Variants in ST3GAL4 observed in about 807,000 individuals in gnomAD.
The protein encoded by ST3GAL4 is CMP-N-acetylneuraminate-beta-galactosamide-alpha-2,3-sialyltransferase 4.
In ST3GAL4, 24 loss-of-function variants were observed where a neutral mutation model predicts 42.6. The ratio of observed to expected loss-of-function variants is 0.56; its 90% CI spans 0.41 to 0.79. The LOEUF is 0.79. Ranked by LOEUF, ST3GAL4 falls within the 30% of genes least tolerant of loss-of-function variation. ST3GAL4 has a pLI of 0.00. For missense variants in ST3GAL4, 311 were observed against 430.8 expected, an observed-to-expected ratio of 0.72 and a Z score of 2.46; for synonymous variants, 135 against 163.2, an observed-to-expected ratio of 0.83 and a Z score of 1.32.
intron 1 of ST3GAL4, chr11:126,356,383 C>T: frequency 6.6e-6 from 1 of 152,600 alleles, no homozygotes; most frequent in Non-Finnish European, 1.5e-5. Context: ...GGCCACTGTG[C>T]CTCAGGGCTG....
At chr11:126,371,090 TTA>T (rs1952622157) in intron 1 of ST3GAL4, among the ~76,000 whole-genome samples, 2 of 151,586 alleles carry the variant, frequency 1.3e-5, no homozygotes, top group Admixed American at 1.3e-4. Flanking sequence ...ATTTTTTCCT[TTA>T]AGAAATAAAA....
At chr11:126,387,543 G>A (rs1345884002) in intron 1 of ST3GAL4, among the ~76,000 whole-genome samples, 1 of 152,168 alleles carries the variant, frequency 6.6e-6, no homozygotes, top group East Asian at 1.9e-4. Context: ...TGGTCATGGT[G>A]GTATGTGCGT....
At chr11:126,380,902 T>C (rs1364129526) in intron 1 of ST3GAL4, among the ~76,000 whole-genome samples, 1 of 152,222 alleles carries the variant, frequency 6.6e-6, no homozygotes, top group East Asian at 1.9e-4. Context: ...ACTCAGACCA[T>C]ATCCAGGTGA....
chr11:126,407,422 C>T (rs1417773522), intron 5 of ST3GAL4, 73 bp downstream of exon 5: 15 of 1,571,144 alleles, frequency 9.5e-6, no homozygotes, highest in Middle Eastern at 1.7e-4. Context: ...CTGCCGTCCA[C>T]GGCCCCAGTG....
Position 126,406,350 on chromosome 11 carries a change from G to A in ST3GAL4, c.17-123G>A, listed in dbSNP as rs1954229382. The A allele has an allele frequency of 2.6e-6, 4 of 1,557,544 alleles. No homozygotes were observed. The South Asian group carries it at 3.6e-5, about 14-fold the overall frequency. The stretch of plus-strand genomic sequence containing the variant: ...AAGCCCTCAGCCAGGGCCAGGAGAG[G>A]GCCAGAGACTGCTTCTGTTGAGTTA... On this transcript the variant is annotated intron_variant, in intron 2 of 10. Coordinates refer to ENST00000444328, the MANE Select transcript of ST3GAL4 (RefSeq NM_001254757.2). This position sits in a 1 kb window ranked among gnomAD's most constrained non-coding sequence, Gnocchi z 5.4.
In ST3GAL4 at chr11:126,398,446, C is replaced by G. The variant is rs1953870278; in HGVS notation, c.-60-7650C>G. Among the ~76,000 whole-genome samples, 1 of 152,236 alleles carries G rather than the reference C, an allele frequency of 6.6e-6. No homozygotes were observed. The highest frequency in any genetic ancestry group is 2.1e-4 in the South Asian group (1 of 4,832). ...CGGCAGCCCTGCTTCCCTGGCCTTG[C>G]TGGGCTCATTCCATGCAGCAGCTCT... On this transcript the variant is annotated intron_variant, in intron 1 of 10. Coordinates refer to ENST00000444328, the MANE Select transcript of ST3GAL4 (RefSeq NM_001254757.2). This position sits in a 1 kb window ranked among gnomAD's most constrained non-coding sequence, Gnocchi z 4.7.
Position 126,391,938 on chromosome 11 carries a change from TG to T in ST3GAL4, c.-60-14157del, listed in dbSNP as rs1953531332. On this transcript the variant is annotated intron_variant, in intron 1 of 10. Transcript: ENST00000444328. The surrounding 1 kb of genome is among the most constrained non-coding windows in gnomAD (Gnocchi z 5.5). The stretch of plus-strand genomic sequence containing the variant: ...CAGAACACCTGTGATAACTTGGTCG[TG>T]TGTGTGTGTGTGTGTGTGTGTGTGT... Among the ~76,000 whole-genome samples the T allele has an allele frequency of 1.0e-5, 1 of 98,716 alleles. No homozygotes were observed. The highest frequency in any genetic ancestry group is 2.2e-5 in the Non-Finnish European group (1 of 46,388). The allele number at this position is 98,716 out of a possible 152,430, so 64.8% of individuals were successfully genotyped here.
chr11:126,359,110 GA>G lies in ST3GAL4; in HGVS notation c.-61+3269del, dbSNP rs1407509958. Among the ~76,000 whole-genome samples, 3 of 152,120 alleles carry G rather than the reference GA, an allele frequency of 2.0e-5. No homozygotes were observed. Among genetic ancestry groups the G allele is most frequent in the Non-Finnish European group, 4.4e-5 (3 of 68,018 alleles). ...GGGAGGCAGCCCCAAAGAGTGCTGG[GA>G]CCAGTTTGGAGAGTGCTAAGGAATG... On this transcript the variant is annotated intron_variant, in intron 1 of 10. Coordinates refer to ENST00000444328, the MANE Select transcript of ST3GAL4 (RefSeq NM_001254757.2). This position sits in a 1 kb window ranked among gnomAD's most constrained non-coding sequence, Gnocchi z 4.8.
chr11:126,384,742 G>A lies in ST3GAL4; in HGVS notation c.-60-21354G>A. On this transcript the variant is annotated intron_variant, in intron 1 of 10. Transcript: ENST00000444328. The surrounding 1 kb of genome is among the most constrained non-coding windows in gnomAD (Gnocchi z 5.5). Reference sequence around the variant, plus strand: ...ACCCCAGCAGCATCTCCTGAGGCTGGGCCATGGGTGAATCTGAGTCGAGGG... The same window carrying A: ...ACCCCAGCAGCATCTCCTGAGGCTGAGCCATGGGTGAATCTGAGTCGAGGG... 1.0e-6 allele frequency: 1 copy of A among 985,364 alleles called. No homozygotes were observed. Among genetic ancestry groups the A allele is most frequent in the Non-Finnish European group, 1.2e-6 (1 of 829,916 alleles). 61.0% of individuals were successfully genotyped at this position (985,364 alleles called of 1,614,324 possible). A position where few individuals can be genotyped will look rare whatever the true frequency, so the allele number is the denominator to read the frequency against.
At chr11:126,394,557 T>G in intron 1 of ST3GAL4, among the ~76,000 whole-genome samples, 1 of 152,058 alleles carries the variant, frequency 6.6e-6, no homozygotes, top group African/African-American at 2.4e-5. Context: ...CTGAAGTAAT[T>G]GGGATTACAA....
At chr11:126,358,593 C>CA in intron 1 of ST3GAL4, 1 of 343,110 alleles carries the variant, frequency 2.9e-6, no homozygotes, top group East Asian at 1.1e-4. Context: ...GTGCGATGCC[C>CA]AGGCCCTAGC....
At position 126,376,978 on chromosome 11, in the gene ST3GAL4, G is replaced by C. The variant is rs568980318; in HGVS notation, c.-61+21136G>C. ...CTTGAGAGAATACAAGGCACCAGGGGGGTAAACATAATAATTATAAGGAGA... is the reference window on the plus strand; with the variant it reads ...CTTGAGAGAATACAAGGCACCAGGGCGGTAAACATAATAATTATAAGGAGA... On this transcript the variant is annotated intron_variant, in intron 1 of 10. Coordinates refer to ENST00000444328, the MANE Select transcript of ST3GAL4 (RefSeq NM_001254757.2). This position sits in a 1 kb window ranked among gnomAD's most constrained non-coding sequence, Gnocchi z 5.1. 2 of 152,264 alleles carry C rather than the reference G, an allele frequency of 1.3e-5. No individual in the cohort carries two copies. Among genetic ancestry groups the C allele is most frequent in the Admixed American group, 1.3e-4 (2 of 15,282 alleles). The allele number at this position is 152,264 out of a possible 1,614,324, so 9.4% of individuals were successfully genotyped here.
At chr11:126,394,252 C>G (rs781367048) in intron 1 of ST3GAL4, among the ~76,000 whole-genome samples, 1 of 152,122 alleles carries the variant, frequency 6.6e-6, no homozygotes, top group Non-Finnish European at 1.5e-5. Flanking sequence ...GAGGAGCGCC[C>G]GGGAGCCCCT....
At chr11:126,413,831 C>A in intron 10 of ST3GAL4, 130 bp from the exon 11 acceptor site, 2 of 1,399,616 alleles carry the variant, frequency 1.4e-6, no homozygotes, top group Non-Finnish European at 2.0e-6. Flanking sequence ...CTTTGTCTTC[C>A]TTCCAAGAGC....
chr11:126,391,936 C>CATGT lies in ST3GAL4; in HGVS notation c.-60-14160_-60-14159insATGT, dbSNP rs147051433. Among the ~76,000 whole-genome samples the CATGT allele has an allele frequency of 0.014, 2,032 of 144,432 alleles. 32 individuals are homozygous for CATGT. Among genetic ancestry groups the CATGT allele is most frequent in the East Asian group, 0.051 (256 of 4,984 alleles). 94.8% of individuals were successfully genotyped at this position (144,432 alleles called of 152,430 possible). ...CTCAGAACACCTGTGATAACTTGGT[C>CATGT]GTGTGTGTGTGTGTGTGTGTGTGTG... On this transcript the variant is annotated intron_variant, in intron 1 of 10. Coordinates refer to ENST00000444328, the MANE Select transcript of ST3GAL4 (RefSeq NM_001254757.2). The surrounding 1 kb of genome is among the most constrained non-coding windows in gnomAD (Gnocchi z 5.5).
Position 126,376,351 on chromosome 11 carries a change from A to T in ST3GAL4, c.-61+20509A>T, listed in dbSNP as rs563036146. On this transcript the variant is annotated intron_variant, in intron 1 of 10. Coordinates refer to ENST00000444328, the MANE Select transcript of ST3GAL4 (RefSeq NM_001254757.2). The surrounding 1 kb of genome is among the most constrained non-coding windows in gnomAD (Gnocchi z 5.1). ...AAGTGAATTGGGAAACAGAAAACCG[A>T]AAGAGGTTTAGTGGCCCAATGACAG... Among the ~76,000 whole-genome samples the T allele has an allele frequency of 5.3e-5, 8 of 152,354 alleles. No individual in the cohort carries two copies. In the East Asian group the frequency reaches 1.3e-3, roughly 26 times the overall value.
rs886696256 is a variant in ST3GAL4 at position 126,409,180 on chromosome 11, C to T, written c.628-88C>T. ...GAAGGCCTCTGCCATCGCTTGGACC[C>T]CCTCGCCTCGCTGAGGACCACTGGG... On this transcript the variant is annotated intron_variant, in intron 8 of 10. Transcript: ENST00000444328. The surrounding 1 kb of genome is among the most constrained non-coding windows in gnomAD (Gnocchi z 4.9). The T allele has an allele frequency of 6.5e-7, 1 of 1,549,638 alleles. No homozygotes were observed. The highest frequency in any genetic ancestry group is 1.2e-5 in the South Asian group (1 of 83,618).
At position 126,391,973 on chromosome 11, in the gene ST3GAL4, A is replaced by G. The variant is rs7104548; in HGVS notation, c.-60-14123A>G. 0.047 allele frequency among the ~76,000 whole-genome samples: 6,183 copies of G among 132,174 alleles called. 375 individuals carry two copies. Among genetic ancestry groups the G allele is most frequent in the African/African-American group, 0.15 (5,296 of 36,144 alleles). The allele number at this position is 132,174 out of a possible 152,430, so 86.7% of individuals were successfully genotyped here. On this transcript the variant is annotated intron_variant, in intron 1 of 10. Coordinates refer to ENST00000444328, the MANE Select transcript of ST3GAL4 (RefSeq NM_001254757.2). This position sits in a 1 kb window ranked among gnomAD's most constrained non-coding sequence, Gnocchi z 5.5. ...TGTGTGTGTGTGTGTGTGTGTGTGT[A>G]TGTGTGTGTATGTGTATATATAAAA...
rs757883614 is a variant in ST3GAL4, at chr11:126,391,231, C to A, written c.-60-14865C>A. Among the ~76,000 whole-genome samples, 121 of 152,012 alleles carry A rather than the reference C, an allele frequency of 8.0e-4. 1 individual carries two copies. Among genetic ancestry groups the A allele is most frequent in the Admixed American group, 2.6e-3 (39 of 15,268 alleles). On this transcript the variant is annotated intron_variant, in intron 1 of 10. Coordinates refer to ENST00000444328, the MANE Select transcript of ST3GAL4 (RefSeq NM_001254757.2). This position sits in a 1 kb window ranked among gnomAD's most constrained non-coding sequence, Gnocchi z 5.5. ...AGAAGTGCAGTTGCTTGATCCTATC[C>A]TGTCCCTTGCTTTTCCCTTTGCTTC...
Sources: gnomAD v4.1 joint callset for allele counts (sites outside exome capture counted in the v4.1 genomes callset) on GRCh38, gnomAD v4.1.1 for gene constraint, Gnocchi (gnomAD v3.1) non-coding constraint, MANE v1.5 for transcripts, NCBI Gene and HGNC (gene_info 2026-07-23, HGNC 2026-07-21) for gene names.